Variants in VPS35 observed in about 807,000 individuals in gnomAD.
VPS35 encodes VPS35 retromer complex component, also known as vacuolar protein sorting-associated protein 35.
Under a neutral mutation model 98.1 loss-of-function variants are expected in VPS35, and 21 were observed. The ratio of observed to expected loss-of-function variants is 0.21; its 90% CI spans 0.15 to 0.31. VPS35 has a LOEUF of 0.31. VPS35 is among the 10% of genes least tolerant of loss of function. The pLI is 1.00. For synonymous variants in VPS35, 268 were observed against 318.2 expected, an observed-to-expected ratio of 0.84 and a Z score of 1.68; for missense variants, 554 against 950.8, an observed-to-expected ratio of 0.58 and a Z score of 5.49.
At chr16:46,664,790 G>T (rs1344636975) in intron 13 of VPS35, among the ~76,000 whole-genome samples, 1 of 152,170 alleles carries the variant, frequency 6.6e-6, no homozygotes, top group Non-Finnish European at 1.5e-5. Flanking sequence ...CAAAGTGCTA[G>T]GATTACAGGC....
At chr16:46,662,104 T>C (rs1192424238) in intron 15 of VPS35, 139 bp downstream of exon 15, 2 of 1,498,838 alleles carry the variant, frequency 1.3e-6, no homozygotes, top group Non-Finnish European at 1.8e-6. Context: ...GATGAGACTC[T>C]CTTTTTTAAC....
intron 11 of VPS35, 138 bp from the exon 12 acceptor site, chr16:46,671,998 A>C: frequency 8.3e-7 from 1 of 1,210,014 alleles, no homozygotes; most frequent in Non-Finnish European, 1.2e-6. Flanking sequence ...AAGTCGATAC[A>C]CATGTATGTC....
In VPS35 at chr16:46,668,992, G is replaced by A; in HGVS notation, c.1585C>T (p.Leu529=). The A allele has an allele frequency of 6.2e-7, 1 of 1,614,160 alleles. No homozygotes were observed. The highest frequency in any genetic ancestry group is 8.5e-7 in the Non-Finnish European group (1 of 1,180,028). The change falls in exon 13 of 17, where the codon CTG becomes TTG. Residue 529 remains leucine (L), a synonymous_variant. Transcript: ENST00000299138. ...AGGNQRIRFT[L]PPLVFAAYQL... The stretch of plus-strand genomic sequence containing the variant: ...TAAGCTGCAAATACCAAAGGTGGCA[G>A]TGTGAAGCGAATCCGCTGATTTCCA...
rs1966072070 is a variant in VPS35, at chr16:46,671,733, CGCA to C, written c.1493_1495del (p.Leu498del). On this transcript the variant is annotated inframe_deletion, in exon 12 of 17. Coordinates refer to ENST00000299138, the MANE Select transcript of VPS35 (RefSeq NM_018206.6). ...GTACTGCTGGTCAGGGTCCTCAGAG[CGCA>C]GCAGATGAATGAAGCGGCCCACAAG... 1 of 1,614,028 alleles carries C rather than the reference CGCA, an allele frequency of 6.2e-7. No individual in the cohort carries two copies. Among genetic ancestry groups the C allele is most frequent in the Non-Finnish European group, 8.5e-7 (1 of 1,180,004 alleles).
At chr16:46,680,571 A>G in intron 5 of VPS35, 100 bp downstream of exon 5, 1 of 1,315,602 alleles carries the variant, frequency 7.6e-7, no homozygotes, top group Middle Eastern at 2.0e-4. Context: ...GACTGGGTGG[A>G]AGAATTATTC....
intron 7 of VPS35, among the ~76,000 whole-genome samples, chr16:46,676,932 A>C (rs1328347235): frequency 3.9e-5 from 6 of 152,220 alleles, no homozygotes; most frequent in African/African-American, 1.4e-4. Flanking sequence ...ACTCATTCCT[A>C]CATTTTGGAG....
At position 46,683,180 on chromosome 16, in the gene VPS35, T is replaced by C. The variant is rs573357450; in HGVS notation, c.102+328A>G. 132 of 387,686 alleles carry C rather than the reference T, an allele frequency of 3.4e-4. 1 individual carries two copies. Among genetic ancestry groups the C allele is most frequent in the Non-Finnish European group, 5.6e-4 (116 of 207,084 alleles). The allele number at this position is 387,686 out of a possible 1,614,324, so 24.0% of individuals were successfully genotyped here. On this transcript the variant is annotated intron_variant, in intron 2 of 16. Transcript: ENST00000299138. ...TTAAATATTCCTCAGGTCTGAGGTA[T>C]AGAACCAAGGAGGCTAGTAATTCTG...
At chr16:46,666,206 GC>G (rs1965986626) in intron 13 of VPS35, among the ~76,000 whole-genome samples, 1 of 151,044 alleles carries the variant, frequency 6.6e-6, no homozygotes, top group Non-Finnish European at 1.5e-5. Flanking sequence ...ACCCAGCCCT[GC>G]CCTAGCCTCT....
At position 46,672,471 on chromosome 16, in the gene VPS35, T is replaced by C. The variant is rs1250881550; in HGVS notation, c.1162A>G (p.Ile388Val). 1 of 1,611,708 alleles carries C rather than the reference T, an allele frequency of 6.2e-7. No homozygotes were observed. Among genetic ancestry groups the C allele is most frequent in the South Asian group, 1.1e-5 (1 of 90,944 alleles). ...EIFNKLNLEH[I>V]ATSSAVSKEL... ...TTTGAAACTGCACTACTGGTAGCAATACTACAAAAAGAAAAACAGAAGTCT... is the reference window on the plus strand; with the variant it reads ...TTTGAAACTGCACTACTGGTAGCAACACTACAAAAAGAAAAACAGAAGTCT... Residue 388 changes from isoleucine (I) to valine (V), a missense_variant and splice_region_variant, in exon 11 of 17, where the codon ATT (isoleucine) becomes GTT (valine). Coordinates refer to ENST00000299138, the MANE Select transcript of VPS35 (RefSeq NM_018206.6).
chr16:46,681,136 G>C (rs1370899584), intron 4 of VPS35, among the ~76,000 whole-genome samples: 1 of 149,588 alleles, frequency 6.7e-6, no homozygotes, highest in Non-Finnish European at 1.5e-5. Flanking sequence ...TTTTCTAATA[G>C]TCAAGACATT....
At chr16:46,670,253 T>C (rs2143007178) in intron 12 of VPS35, among the ~76,000 whole-genome samples, 1 of 152,312 alleles carries the variant, frequency 6.6e-6, no homozygotes, top group South Asian at 2.1e-4. Flanking sequence ...AAGATCTCCA[T>C]ACATGGGAAT....
intron 11 of VPS35, 57 bp downstream of exon 11, chr16:46,672,208 C>T: frequency 1.3e-6 from 2 of 1,512,540 alleles, no homozygotes; most frequent in East Asian, 2.3e-5. Context: ...GTATCTAGGT[C>T]CAAAGTCTAA....
chr16:46,681,356 C>A (rs371423405), intron 4 of VPS35, 21 bp downstream of exon 4: 20 of 1,613,068 alleles, frequency 1.2e-5, no homozygotes, highest in South Asian at 2.2e-5. Flanking sequence ...CACAAAAGTT[C>A]TCTGATTTGT....
intron 1 of VPS35, chr16:46,688,396 G>A (rs1481707234): frequency 3.0e-6 from 3 of 986,954 alleles, no homozygotes; most frequent in Middle Eastern, 5.2e-4. Context: ...ATTTGCTGCC[G>A]TCATAGACGG....
chr16:46,666,580 AAT>A (rs1273283029), intron 13 of VPS35, among the ~76,000 whole-genome samples: 1 of 152,028 alleles, frequency 6.6e-6, no homozygotes, highest in Non-Finnish European at 1.5e-5. Flanking sequence ...TTTATTTTTT[AAT>A]AGAGATTGGG....
chr16:46,674,485 C>T (rs769188080), intron 9 of VPS35, 23 bp from the exon 10 acceptor site: 4 of 1,609,056 alleles, frequency 2.5e-6, no homozygotes, highest in South Asian at 1.1e-5. Context: ...GAAAACCACA[C>T]AATTTATTTT....
At chr16:46,680,639 T>C (rs1314646921) in intron 5 of VPS35, 32 bp downstream of exon 5, 2 of 1,606,610 alleles carry the variant, frequency 1.2e-6, no homozygotes, top group South Asian at 1.1e-5. Context: ...GAAAGAAATA[T>C]TGCAACAAAA....
chr16:46,660,820 CAAAAAAAAAA>C (rs33973421), intron 16 of VPS35, 169 bp from the exon 17 acceptor site: 3 of 339,682 alleles, frequency 8.8e-6, no homozygotes, highest in Non-Finnish European at 1.6e-5. Context: ...TACTGACTAT[CAAAAAAAAAA>C]AAAAAAAAAC....
At chr16:46,668,614 T>C (rs1451110326) in intron 13 of VPS35, among the ~76,000 whole-genome samples, 1 of 152,198 alleles carries the variant, frequency 6.6e-6, no homozygotes, top group Non-Finnish European at 1.5e-5. Context: ...ACTGCAATGC[T>C]AGGCCCTCTC....
Sources: allele counts gnomAD v4.1 joint callset (sites outside exome capture counted in the v4.1 genomes callset), GRCh38; gene constraint gnomAD v4.1.1; transcripts MANE v1.5; gene names NCBI Gene and HGNC (gene_info 2026-07-23, HGNC 2026-07-21).